CCDC171: variants seen among roughly 807,000 people sequenced by gnomAD.
CCDC171 encodes the protein coiled-coil domain-containing protein 171.
In CCDC171, 177 loss-of-function variants were observed where a neutral mutation model predicts 168.2. That is an observed-to-expected ratio of 1.05 (90% CI 0.93 to 1.19). The LOEUF is 1.19. CCDC171 is among the 50% of genes most tolerant of loss of function. The probability of loss-of-function intolerance (pLI) is 0.00; values close to 1 mark genes in which losing one functional copy is unlikely to be tolerated. For synonymous variants in CCDC171, 687 were observed against 540.8 expected (o/e 1.27, Z -3.75); for missense variants, 1,991 against 1,539.0 (o/e 1.29, Z -4.91).
chr9:16,005,372 T>G (rs548725809), intron 3 of CCDC171, among the ~76,000 whole-genome samples: 39 of 152,350 alleles, frequency 2.6e-4, no homozygotes, highest in African/African-American at 9.1e-4. Flanking sequence ...GTATGGATAT[T>G]GCCACATTAT....
rs114827317 is a variant in CCDC171 at position 16,018,852 on chromosome 9, A to G, written n.369-1737A>G. Among the ~76,000 whole-genome samples, 208 of 152,294 alleles carry G rather than the reference A, an allele frequency of 1.4e-3. 1 individual carries two copies. Among genetic ancestry groups the G allele is most frequent in the African/African-American group, 4.9e-3 (202 of 41,566 alleles). On this transcript the variant is annotated intron_variant and non_coding_transcript_variant, in intron 3 of 9. Coordinates refer to the CCDC171 transcript ENST00000486641. ...AACCTAGGAGGGCCTTTTTTCAGAG[A>G]TGATGTGAGCTCAGAAGCCATCAGT...
chr9:15,614,070 T>C (rs1422872100), intron 6 of CCDC171, among the ~76,000 whole-genome samples: 1 of 152,234 alleles, frequency 6.6e-6, no homozygotes, highest in Admixed American at 6.5e-5. Context: ...TCAATGCTTT[T>C]GTGGGCTGAT....
chr9:15,584,687 C>A lies in CCDC171; in HGVS notation c.352+5664C>A, dbSNP rs923636413. ...GGTAGAAGACAGGAAGTCAGAGTAACCTTCCTTCTGAGGCCCTCCTGTCTT... is the reference window on the plus strand; with the variant it reads ...GGTAGAAGACAGGAAGTCAGAGTAAACTTCCTTCTGAGGCCCTCCTGTCTT... On this transcript the variant is annotated intron_variant, in intron 4 of 25. Coordinates refer to ENST00000380701, the MANE Select transcript of CCDC171 (RefSeq NM_173550.4). Among the ~76,000 whole-genome samples the A allele has an allele frequency of 7.4e-4, 112 of 152,126 alleles. 4 individuals carry two copies. The highest frequency in any genetic ancestry group is 8.8e-5 in the Non-Finnish European group (6 of 68,024).
At chr9:15,811,012 T>G (rs2059331696) in intron 21 of CCDC171, among the ~76,000 whole-genome samples, 1 of 152,242 alleles carries the variant, frequency 6.6e-6, no homozygotes. Flanking sequence ...AACTGTCATA[T>G]CAGCAGCATA....
chr9:15,991,655 A>G (rs905637721), intron 3 of CCDC171, among the ~76,000 whole-genome samples: 2 of 152,200 alleles, frequency 1.3e-5, no homozygotes, highest in Admixed American at 6.5e-5. Context: ...GTTTTTTGAA[A>G]AGATCAACAA....
the CCDC171 span, among the ~76,000 whole-genome samples, chr9:16,107,011 T>G: frequency 6.6e-6 from 1 of 152,308 alleles, no homozygotes; most frequent in African/African-American, 2.4e-5. Context: ...GTTTGCACTC[T>G]TCATTCTGAA....
intron 6 of CCDC171, among the ~76,000 whole-genome samples, chr9:15,616,715 TATC>T (rs1452797110): frequency 6.6e-5 from 10 of 152,344 alleles, no homozygotes; most frequent in Middle Eastern, 3.4e-3. Flanking sequence ...GAGGAGGACC[TATC>T]ATATAGAATA....
intron 24 of CCDC171, 76 bp from the exon 25 acceptor site, chr9:15,920,194 G>C: frequency 1.1e-6 from 1 of 889,226 alleles, no homozygotes; most frequent in Non-Finnish European, 1.6e-6. Context: ...TAATGGTTTT[G>C]CTTTCAAATT....
chr9:15,891,800 C>T (rs375828295), intron 24 of CCDC171, among the ~76,000 whole-genome samples: 3 of 152,062 alleles, frequency 2.0e-5, no homozygotes, highest in African/African-American at 4.8e-5. Context: ...AGAGAATGAA[C>T]GAGCATGCAG....
intron 1 of CCDC171, among the ~76,000 whole-genome samples, chr9:16,046,592 T>C (rs1833664801): frequency 1.3e-5 from 2 of 152,178 alleles, no homozygotes; most frequent in Admixed American, 6.5e-5. Flanking sequence ...TTCCCATGTG[T>C]TATGGGAGGG....
At chr9:15,849,338 T>C (rs895876832) in intron 23 of CCDC171, among the ~76,000 whole-genome samples, 38 of 150,954 alleles carry the variant, frequency 2.5e-4, no homozygotes, top group African/African-American at 6.1e-4. Flanking sequence ...TAGAGAAATA[T>C]ATATTTTATT....
chr9:15,896,165 C>G (rs16933756), intron 24 of CCDC171, among the ~76,000 whole-genome samples: 3,354 of 151,948 alleles, frequency 0.022, 130 homozygotes, highest in African/African-American at 0.077. Flanking sequence ...TGCATTTGCC[C>G]TTAGAATTAG....
chr9:15,760,990 G>T (rs6474967), intron 18 of CCDC171, among the ~76,000 whole-genome samples: 85,641 of 152,058 alleles, frequency 0.56, 26,350 homozygotes, highest in African/African-American at 0.83. Flanking sequence ...TATCAATCAT[G>T]ATGGGAATGG....
At chr9:15,801,230 C>A (rs559186750) in intron 21 of CCDC171, among the ~76,000 whole-genome samples, 2 of 151,880 alleles carry the variant, frequency 1.3e-5, no homozygotes, top group Admixed American at 1.3e-4. Flanking sequence ...AATATTGATT[C>A]TTTCAATCCA....
At chr9:15,592,854 C>G (rs1260190010) in intron 5 of CCDC171, among the ~76,000 whole-genome samples, 6 of 151,756 alleles carry the variant, frequency 4.0e-5, no homozygotes, top group Non-Finnish European at 7.4e-5. Flanking sequence ...AGGCTATTGG[C>G]TTTTTTTGTT....
chr9:15,998,856 C>T lies in CCDC171; in HGVS notation n.369-21733C>T, dbSNP rs141450831. Among the ~76,000 whole-genome samples, 176 of 152,304 alleles carry T rather than the reference C, an allele frequency of 1.2e-3. 1 individual carries two copies. Among genetic ancestry groups the T allele is most frequent in the African/African-American group, 3.9e-3 (161 of 41,564 alleles). On this transcript the variant is annotated intron_variant and non_coding_transcript_variant, in intron 3 of 9. Transcript: ENST00000486641. ...AGGGACAGTTCTTGCCCCTACTCCT[C>T]AGCAAAACTCTTCCTCTATCAGAAC... is the stretch of plus-strand genomic sequence containing the variant.
At chr9:15,594,961 G>A (rs1330352574) in intron 6 of CCDC171, among the ~76,000 whole-genome samples, 1 of 148,802 alleles carries the variant, frequency 6.7e-6, no homozygotes, top group Non-Finnish European at 1.5e-5. Context: ...ATAACACAAT[G>A]TGTTTTATGT....
At chr9:15,912,446 G>C (rs1237805020) in intron 24 of CCDC171, among the ~76,000 whole-genome samples, 1 of 152,088 alleles carries the variant, frequency 6.6e-6, no homozygotes, top group Non-Finnish European at 1.5e-5. Flanking sequence ...AGGAGTTTTG[G>C]GACTGAGACG....
intron 4 of CCDC171, among the ~76,000 whole-genome samples, chr9:15,583,019 A>T (rs1003346545): frequency 6.6e-6 from 1 of 151,946 alleles, no homozygotes; most frequent in African/African-American, 2.4e-5. Flanking sequence ...AGAAGTCATT[A>T]TATGAAAAAG....
Sources: allele counts gnomAD v4.1 joint callset (sites outside exome capture counted in the v4.1 genomes callset), GRCh38; gene constraint gnomAD v4.1.1; transcripts MANE v1.5; gene names NCBI Gene and HGNC (gene_info 2026-07-23, HGNC 2026-07-21).